Variants in ADARB2 observed in about 807,000 individuals in gnomAD.
The protein encoded by ADARB2 is inactive double-stranded RNA-specific editase B2.
ADARB2 carries 25 observed loss-of-function variants against 62.2 expected under a neutral mutation model. The observed-to-expected ratio is 0.40, with a 90% confidence interval of 0.29 to 0.56. The LOEUF (loss-of-function observed/expected upper bound fraction) is 0.56, where lower values mean the gene tolerates loss of function less well. Among genes scored for constraint, ADARB2 ranks in the 20% least tolerant of loss-of-function variants. The probability of loss-of-function intolerance (pLI) is 0.43; values close to 1 mark genes in which losing one functional copy is unlikely to be tolerated. For synonymous variants in ADARB2, 572 were observed against 500.8 expected, an observed-to-expected ratio of 1.14 and a Z score of -1.90; for missense variants, 1,071 against 1,077.4, an observed-to-expected ratio of 0.99 and a Z score of 0.08.
At chr10:1,632,361 C>G (rs569553344) in intron 1 of ADARB2, among the ~76,000 whole-genome samples, 22 of 152,216 alleles carry the variant, frequency 1.4e-4, no homozygotes, top group African/African-American at 5.1e-4. Flanking sequence ...TACACGTATA[C>G]TCACACAGGC....
At chr10:1,689,138 C>T (rs1014381019) in intron 1 of ADARB2, among the ~76,000 whole-genome samples, 2 of 152,166 alleles carry the variant, frequency 1.3e-5, no homozygotes, top group Admixed American at 6.5e-5. Context: ...AACTGGCTGC[C>T]AGGAGATGAA....
At chr10:1,387,805 A>T (rs1161242627) in intron 1 of ADARB2, among the ~76,000 whole-genome samples, 1 of 152,042 alleles carries the variant, frequency 6.6e-6, no homozygotes, top group Non-Finnish European at 1.5e-5. Context: ...AAGAAAAAAA[A>T]CCTACAGACC....
chr10:1,431,019 A>G (rs1029590716), intron 1 of ADARB2, among the ~76,000 whole-genome samples: 18 of 152,240 alleles, frequency 1.2e-4, no homozygotes, highest in African/African-American at 3.9e-4. Context: ...CTAGACTAAA[A>G]GTCAGCAAGG....
chr10:1,713,628 G>A (rs143759014), intron 1 of ADARB2, among the ~76,000 whole-genome samples: 271 of 152,326 alleles, frequency 1.8e-3, no homozygotes, highest in African/African-American at 6.3e-3. Flanking sequence ...GGAAGAGAGT[G>A]TAGTGAACCT....
At chr10:1,344,274 A>G (rs1184247535) in intron 3 of ADARB2, among the ~76,000 whole-genome samples, 1 of 152,250 alleles carries the variant, frequency 6.6e-6, no homozygotes, top group Non-Finnish European at 1.5e-5. Flanking sequence ...TTTGTTCAGC[A>G]GCGAGAGGAC....
intron 1 of ADARB2, among the ~76,000 whole-genome samples, chr10:1,606,886 G>A (rs978409752): frequency 1.3e-5 from 2 of 152,184 alleles, no homozygotes; most frequent in African/African-American, 2.4e-5. Context: ...AACGGCCTGT[G>A]CTGTTGTGCC....
chr10:1,362,543 C>T (rs1209037105), intron 3 of ADARB2, among the ~76,000 whole-genome samples: 1 of 152,146 alleles, frequency 6.6e-6, no homozygotes, highest in Non-Finnish European at 1.5e-5. Context: ...GCCCAGCTCC[C>T]CACTCTCGCT....
intron 3 of ADARB2, among the ~76,000 whole-genome samples, chr10:1,338,145 A>T (rs975520104): frequency 6.6e-6 from 1 of 152,186 alleles, no homozygotes; most frequent in Non-Finnish European, 1.5e-5. Context: ...CATTGCCCAA[A>T]CTCTACAGAC....
Position 1,509,992 on chromosome 10 carries a change from TTC to T in ADARB2, c.101-130834_101-130833del, listed in dbSNP as rs1330911214. Among the ~76,000 whole-genome samples the T allele has an allele frequency of 2.0e-5, 3 of 151,962 alleles. No individual in the cohort carries two copies. In the East Asian group the frequency reaches 5.8e-4, roughly 29 times the overall value. Reference sequence around the variant, plus strand: ...AAATCCCATTTGCTTCCCTTTCTTTTTCTCTTTCTTTCTTTTCTTTCTTCTTT... The same window carrying T: ...AAATCCCATTTGCTTCCCTTTCTTTTTCTTTCTTTCTTTTCTTTCTTCTTT... On this transcript the variant is annotated intron_variant, in intron 1 of 9. Coordinates refer to ENST00000381312, the MANE Select transcript of ADARB2 (RefSeq NM_018702.4).
intron 6 of ADARB2, among the ~76,000 whole-genome samples, chr10:1,219,049 CAAAAAAAAAAA>C (rs58282140): frequency 1.1e-3 from 116 of 103,598 alleles, no homozygotes; most frequent in African/African-American, 4.1e-3. Flanking sequence ...GACTACGTCT[CAAAAAAAAAAA>C]AAAAAAAAAG....
intron 1 of ADARB2, among the ~76,000 whole-genome samples, chr10:1,463,604 A>T (rs1277662181): frequency 1.3e-5 from 2 of 152,228 alleles, no homozygotes; most frequent in Non-Finnish European, 2.9e-5. Flanking sequence ...TTTATTTTTC[A>T]TAATAGACCC....
At chr10:1,508,216 T>C (rs1489180519) in intron 1 of ADARB2, among the ~76,000 whole-genome samples, 2 of 152,194 alleles carry the variant, frequency 1.3e-5, no homozygotes, top group African/African-American at 4.8e-5. Context: ...GAGCCCTCAC[T>C]GTCACCGACC....
intron 1 of ADARB2, among the ~76,000 whole-genome samples, chr10:1,576,369 G>A (rs3122284): frequency 6.7e-6 from 1 of 149,922 alleles, no homozygotes; most frequent in Non-Finnish European, 1.5e-5. Context: ...AGTGGCTTAG[G>A]GTCACAGGAG....
At chr10:1,206,295 C>T (rs929451403) in intron 7 of ADARB2, among the ~76,000 whole-genome samples, 6 of 152,162 alleles carry the variant, frequency 3.9e-5, no homozygotes, top group South Asian at 2.1e-4. Context: ...GCGGGGGCCA[C>T]GCTCTCCCAC....
At chr10:1,249,616 G>GCA (rs58472524) in intron 4 of ADARB2, among the ~76,000 whole-genome samples, 12,238 of 147,362 alleles carry the variant, frequency 0.083, 1,297 homozygotes, top group African/African-American at 0.24. Flanking sequence ...GTGATTTTAT[G>GCA]CACACACACA....
At chr10:1,216,750 C>G (rs1016952762) in intron 7 of ADARB2, 9 of 714,204 alleles carry the variant, frequency 1.3e-5, no homozygotes, top group Non-Finnish European at 2.0e-5. Flanking sequence ...CTTGCTCCCT[C>G]AGGGACTCGG....
chr10:1,293,912 A>AG (rs1309557223), intron 3 of ADARB2, among the ~76,000 whole-genome samples: 17 of 152,182 alleles, frequency 1.1e-4, no homozygotes, highest in African/African-American at 3.9e-4. Context: ...GAGTGTCGGC[A>AG]GGGCAATGTC....
At chr10:1,673,720 G>A (rs1834423653) in intron 1 of ADARB2, among the ~76,000 whole-genome samples, 4 of 152,206 alleles carry the variant, frequency 2.6e-5, no homozygotes, top group Admixed American at 2.6e-4. Context: ...CATGGACAGG[G>A]CTCAGGACGG....
intron 1 of ADARB2, among the ~76,000 whole-genome samples, chr10:1,473,995 G>A (rs540810542): frequency 2.0e-5 from 3 of 149,336 alleles, no homozygotes; most frequent in South Asian, 4.2e-4. Flanking sequence ...CTGAGCCCCC[G>A]GATCACGGGG....
Sources: gnomAD v4.1 joint callset for allele counts (sites outside exome capture counted in the v4.1 genomes callset) on GRCh38, gnomAD v4.1.1 for gene constraint, MANE v1.5 for transcripts, NCBI Gene and HGNC (gene_info 2026-07-23, HGNC 2026-07-21) for gene names.